Variants in KMT2E observed in about 807,000 individuals in gnomAD.
KMT2E encodes histone reader KMT2E.
Under a neutral mutation model 184.6 loss-of-function variants are expected in KMT2E, and 30 were observed. That is an observed-to-expected ratio of 0.16 (90% CI 0.12 to 0.22). The LOEUF is 0.22. Ranked by LOEUF, KMT2E falls within the 10% of genes least tolerant of loss-of-function variation. KMT2E has a pLI of 1.00. For synonymous variants in KMT2E, 815 were observed against 776.5 expected (o/e 1.05, Z -0.82); for missense variants, 2,023 against 2,237.4 (o/e 0.90, Z 1.93).
At position 105,113,462 on chromosome 7, in the gene KMT2E, G is replaced by GTATT; in HGVS notation, c.*131_*134dup. On this transcript the variant is annotated 3_prime_UTR_variant, in exon 27 of 27. Transcript: ENST00000311117. ...TAAAAAACACCAGTGCTCTTTCGTTGTATTTTTCTCATTTTTGCTTTTTAA... is the reference window on the plus strand; with the variant it reads ...TAAAAAACACCAGTGCTCTTTCGTTGTATTTATTTTTCTCATTTTTGCTTTTTAA... 9.6e-7 allele frequency: 1 copy of GTATT among 1,044,968 alleles called. No individual in the cohort carries two copies. The highest frequency in any genetic ancestry group is 1.3e-6 in the Non-Finnish European group (1 of 759,912). 64.7% of individuals were successfully genotyped at this position (1,044,968 alleles called of 1,614,324 possible).
At chr7:105,098,946 A>C (rs967321297) in intron 15 of KMT2E, among the ~76,000 whole-genome samples, 3 of 152,194 alleles carry the variant, frequency 2.0e-5, no homozygotes, top group Non-Finnish European at 4.4e-5. Flanking sequence ...CTATCTCCAG[A>C]GTCAGCTCTA....
At chr7:105,091,629 T>C (rs1798207669) in intron 15 of KMT2E, 2 of 460,572 alleles carry the variant, frequency 4.3e-6, no homozygotes, top group African/African-American at 4.0e-5. Context: ...GAATGTCTTT[T>C]ATTAGCTAAA....
intron 3 of KMT2E, among the ~76,000 whole-genome samples, chr7:105,051,920 C>T (rs1326180229): frequency 6.6e-6 from 1 of 152,158 alleles, no homozygotes; most frequent in Non-Finnish European, 1.5e-5. Flanking sequence ...ACACTTTTAT[C>T]CATTTCTACT....
intron 3 of KMT2E, among the ~76,000 whole-genome samples, chr7:105,051,057 C>CTTT (rs1196061489): frequency 3.3e-5 from 5 of 150,706 alleles, no homozygotes; most frequent in South Asian, 2.1e-4. Context: ...TTCTTTCTTT[C>CTTT]CTTTTCTTTC....
intron 6 of KMT2E, 107 bp from the exon 7 acceptor site, chr7:105,073,512 C>T: frequency 1.5e-6 from 1 of 656,412 alleles, no homozygotes; most frequent in South Asian, 2.1e-5. Context: ...ATATTTTATA[C>T]TGTTGGTTTT....
chr7:105,114,703 G>T lies in KMT2E; in HGVS notation c.*1370G>T, dbSNP rs1799530803. ...ATACAAATTCTGTGCATCAGAGAAA[G>T]TAAACACTAAAATGACTGCGTGACC... On this transcript the variant is annotated 3_prime_UTR_variant, in exon 27 of 27. Coordinates refer to ENST00000311117, the MANE Select transcript of KMT2E (RefSeq NM_182931.3). Among the ~76,000 whole-genome samples, 2 of 152,164 alleles carry T rather than the reference G, an allele frequency of 1.3e-5. No homozygotes were observed. Among genetic ancestry groups the T allele is most frequent in the African/African-American group, 4.8e-5 (2 of 41,444 alleles).
chr7:105,077,226 C>A, intron 10 of KMT2E, 33 bp downstream of exon 10: 1 of 1,604,432 alleles, frequency 6.2e-7, no homozygotes. Flanking sequence ...AATTGTAAAG[C>A]AGTTTTATAT....
chr7:105,075,800 C>T (rs1797501900), intron 8 of KMT2E, among the ~76,000 whole-genome samples: 2 of 152,036 alleles, frequency 1.3e-5, no homozygotes, highest in South Asian at 4.1e-4. Flanking sequence ...GATCCTCCTG[C>T]CTCAGTCTCC....
chr7:105,028,926 A>G (rs1049200778), intron 1 of KMT2E, among the ~76,000 whole-genome samples: 3 of 151,990 alleles, frequency 2.0e-5, no homozygotes, highest in Non-Finnish European at 2.9e-5. Flanking sequence ...ATTCTTGACA[A>G]GGTATTGAGA....
At chr7:105,025,125 G>A (rs1416960148) in intron 1 of KMT2E, among the ~76,000 whole-genome samples, 1 of 152,068 alleles carries the variant, frequency 6.6e-6, no homozygotes, top group African/African-American at 2.4e-5. Context: ...AGTAACATAT[G>A]TTTATTAAAA....
intron 17 of KMT2E, chr7:105,104,530 A>C (rs1798807507): frequency 6.6e-6 from 1 of 151,932 alleles, no homozygotes; most frequent in Non-Finnish European, 1.5e-5. Context: ...TCTACAGAAA[A>C]TTAAAAACAA....
intron 1 of KMT2E, among the ~76,000 whole-genome samples, chr7:105,018,423 A>G (rs564338813): frequency 4.0e-4 from 61 of 152,318 alleles, no homozygotes; most frequent in African/African-American, 1.4e-3. Flanking sequence ...AGCAGATGGT[A>G]GGTGCTTAAT....
Position 105,105,428 on chromosome 7 carries a change from C to G in KMT2E, c.2197-11C>G. On this transcript the variant is annotated splice_polypyrimidine_tract_variant and intron_variant, in intron 17 of 26. Coordinates refer to ENST00000311117, the MANE Select transcript of KMT2E (RefSeq NM_182931.3). ...ACATATATAATGATCCAATTTTTTTCTTTTCTCTAGCACTTGGTTAATGAA... is the reference window on the plus strand; with the variant it reads ...ACATATATAATGATCCAATTTTTTTGTTTTCTCTAGCACTTGGTTAATGAA... 3 of 1,552,042 alleles carry G rather than the reference C, an allele frequency of 1.9e-6. No homozygotes were observed. Among genetic ancestry groups the G allele is most frequent in the Non-Finnish European group, 2.6e-6 (3 of 1,154,602 alleles).
intron 1 of KMT2E, among the ~76,000 whole-genome samples, chr7:105,018,117 A>G (rs148096544): frequency 6.6e-6 from 1 of 152,322 alleles, no homozygotes; most frequent in Non-Finnish European, 1.5e-5. Flanking sequence ...TCCAAGAATA[A>G]TGTACTCGTT....
At chr7:105,085,462 C>A (rs975236911) in intron 13 of KMT2E, among the ~76,000 whole-genome samples, 1 of 152,104 alleles carries the variant, frequency 6.6e-6, no homozygotes, top group African/African-American at 2.4e-5. Flanking sequence ...TCAGGAGAAT[C>A]GCTTGAACCT....
At chr7:105,061,338 A>G (rs1164985131) in intron 3 of KMT2E, among the ~76,000 whole-genome samples, 1 of 152,196 alleles carries the variant, frequency 6.6e-6, no homozygotes, top group Non-Finnish European at 1.5e-5. Flanking sequence ...TTTTCAAGTG[A>G]TGTTATAGTT....
chr7:105,106,183 G>A (rs574275226), intron 19 of KMT2E, among the ~76,000 whole-genome samples, 180 bp downstream of exon 19: 16 of 152,256 alleles, frequency 1.1e-4, no homozygotes, highest in Non-Finnish European at 1.8e-4. Context: ...ACAATACCAC[G>A]TATGCTGGGG....
chr7:105,051,689 G>A (rs1339886503), intron 3 of KMT2E, among the ~76,000 whole-genome samples: 4 of 151,922 alleles, frequency 2.6e-5, no homozygotes, highest in African/African-American at 4.8e-5. Context: ...CACAATATTG[G>A]TTCACTGCAA....
chr7:105,023,630 A>G (rs1488175885), intron 1 of KMT2E, among the ~76,000 whole-genome samples: 1 of 151,794 alleles, frequency 6.6e-6, no homozygotes, highest in Non-Finnish European at 1.5e-5. Flanking sequence ...TATTTTTAGT[A>G]GAGATGGGGT....
Sources: allele counts gnomAD v4.1 joint callset (sites outside exome capture counted in the v4.1 genomes callset), GRCh38; gene constraint gnomAD v4.1.1; transcripts MANE v1.5; gene names NCBI Gene and HGNC (gene_info 2026-07-23, HGNC 2026-07-21).